CACNA2D3: variants seen among roughly 807,000 people sequenced by gnomAD.
CACNA2D3 encodes voltage-dependent calcium channel subunit alpha-2/delta-3.
CACNA2D3 carries 60 observed loss-of-function variants against 160.6 expected under a neutral mutation model. The ratio of observed to expected loss-of-function variants is 0.37; its 90% CI spans 0.30 to 0.46. CACNA2D3 has a LOEUF of 0.46. CACNA2D3 is among the 20% of genes least tolerant of loss of function. The pLI, the probability that CACNA2D3 is intolerant of heterozygous loss-of-function variation, is 1.00. For missense variants in CACNA2D3, 1,205 were observed against 1,365.0 expected (o/e 0.88, Z 1.85); for synonymous variants, 558 against 492.9 (o/e 1.13, Z -1.75).
intron 3 of CACNA2D3, among the ~76,000 whole-genome samples, chr3:54,369,227 C>A (rs1018073601): frequency 6.7e-6 from 1 of 150,188 alleles, no homozygotes; most frequent in Admixed American, 6.6e-5. Context: ...AACAAACAAA[C>A]AAACAAACAA....
intron 4 of CACNA2D3, among the ~76,000 whole-genome samples, chr3:54,414,278 A>G (rs1699719342): frequency 6.6e-6 from 1 of 152,108 alleles, no homozygotes; most frequent in African/African-American, 2.4e-5. Flanking sequence ...CATTTCTGTT[A>G]TAGAATCTTG....
intron 29 of CACNA2D3, among the ~76,000 whole-genome samples, chr3:54,972,667 G>T (rs1217741431): frequency 1.3e-5 from 2 of 152,154 alleles, no homozygotes; most frequent in South Asian, 2.1e-4. Context: ...TGCACTCTCT[G>T]GGCCTTGGCA....
Position 54,871,570 on chromosome 3 carries a change from A to G in CACNA2D3, c.1658A>G (p.Asn553Ser), listed in dbSNP as rs201056137. The G allele has an allele frequency of 7.0e-4, 1,125 of 1,613,654 alleles. No individual in the cohort carries two copies. The highest frequency in any genetic ancestry group is 1.3e-3 in the Middle Eastern group (8 of 6,060). Reference protein sequence around the residue: ...YEEGKKRRKPNYSSVDLSEVE... With the variant: ...YEEGKKRRKPSYSSVDLSEVE... ...GAAGGAAAAAAGCGAAGGAAACCTAACTATAGTAGCGTTGACCTCTCTGAG... is the reference window on the plus strand; with the variant it reads ...GAAGGAAAAAAGCGAAGGAAACCTAGCTATAGTAGCGTTGACCTCTCTGAG... Residue 553 changes from asparagine (N) to serine (S), a missense_variant, in exon 18 of 38, where the codon AAC becomes AGC. By Grantham distance (46) the Asn-to-Ser change is conservative. Around this residue, in one of 3 missense-constraint regions of CACNA2D3, gnomAD observed 911 missense variants for 1,002.2 expected, o/e 0.91. Coordinates refer to ENST00000474759, the MANE Select transcript of CACNA2D3 (RefSeq NM_018398.3).
chr3:55,003,096 C>T (rs1223097693), intron 31 of CACNA2D3, among the ~76,000 whole-genome samples: 2 of 152,220 alleles, frequency 1.3e-5, no homozygotes, highest in Non-Finnish European at 2.9e-5. Context: ...TTTACATCTA[C>T]AGGTCTTTCC....
intron 3 of CACNA2D3, among the ~76,000 whole-genome samples, chr3:54,333,951 GT>G (rs1345194640): frequency 6.6e-6 from 1 of 152,210 alleles, no homozygotes; most frequent in East Asian, 1.9e-4. Context: ...AATGGCTGTG[GT>G]TCTCCAAGCA....
chr3:54,836,215 TTTTTTTTTTTC>T (rs1472956123), intron 14 of CACNA2D3, among the ~76,000 whole-genome samples: 19 of 76,998 alleles, frequency 2.5e-4, no homozygotes, highest in African/African-American at 4.9e-4. Flanking sequence ...AGGGCCATTC[TTTTTTTTTTTC>T]TTTTTTTTTT....
chr3:54,351,135 C>T (rs1270633797), intron 3 of CACNA2D3, among the ~76,000 whole-genome samples: 2 of 151,682 alleles, frequency 1.3e-5, no homozygotes, highest in South Asian at 2.1e-4. Context: ...GTACCTACCA[C>T]CATGCCCGGC....
At chr3:54,704,575 TG>T (rs1339149640) in intron 11 of CACNA2D3, among the ~76,000 whole-genome samples, 1 of 152,206 alleles carries the variant, frequency 6.6e-6, no homozygotes, top group African/African-American at 2.4e-5. Context: ...TTTTCTTTTT[TG>T]ACTTGCCAGA....
intron 35 of CACNA2D3, among the ~76,000 whole-genome samples, chr3:55,029,616 T>G (rs938972872): frequency 2.0e-5 from 3 of 152,124 alleles, no homozygotes; most frequent in Non-Finnish European, 4.4e-5. Context: ...AAATAGCTCT[T>G]GGATTTTTGC....
intron 35 of CACNA2D3, among the ~76,000 whole-genome samples, chr3:55,035,183 A>G (rs1289023803): frequency 2.0e-5 from 3 of 152,198 alleles, no homozygotes; most frequent in African/African-American, 7.2e-5. Flanking sequence ...AGAAAAACAG[A>G]AAATACAGTA....
rs147514179 is a variant in CACNA2D3 at position 54,390,899 on chromosome 3, A to G, written c.381+4125A>G. 9.3e-4 allele frequency among the ~76,000 whole-genome samples: 141 copies of G among 152,298 alleles called. 1 individual carries two copies. The highest frequency in any genetic ancestry group is 3.2e-3 in the African/African-American group (135 of 41,572). The stretch of plus-strand genomic sequence containing the variant: ...CCCTGGCAGATAATTGTTTTTATCA[A>G]AAAAATTTCAGACTACCATCTGCTC... On this transcript the variant is annotated intron_variant, in intron 4 of 37. Transcript: ENST00000474759.
intron 4 of CACNA2D3, among the ~76,000 whole-genome samples, chr3:54,482,305 T>G (rs1175476803): frequency 6.6e-6 from 1 of 152,206 alleles, no homozygotes; most frequent in Non-Finnish European, 1.5e-5. Context: ...CTCATGAATG[T>G]TAATATGGCT....
intron 3 of CACNA2D3, among the ~76,000 whole-genome samples, chr3:54,364,279 A>G (rs1329492045): frequency 6.6e-6 from 1 of 152,256 alleles, no homozygotes; most frequent in Non-Finnish European, 1.5e-5. Context: ...TGTTTTCATT[A>G]AGACCAAATA....
In CACNA2D3 at chr3:54,213,517, G is replaced by C. The variant is rs151258737; in HGVS notation, c.204+89923G>C. On this transcript the variant is annotated intron_variant, in intron 2 of 37. Coordinates refer to ENST00000474759, the MANE Select transcript of CACNA2D3 (RefSeq NM_018398.3). ...TCTCCATCAGTATCTGTCTGGGGAG[G>C]ATAACAGTCCTTTCTTTCTTCCTGT... Among the ~76,000 whole-genome samples the C allele has an allele frequency of 3.3e-3, 499 of 152,284 alleles. 1 individual carries two copies. Among genetic ancestry groups the C allele is most frequent in the African/African-American group, 0.011 (476 of 41,562 alleles).
chr3:54,909,753 G>T (rs1700519660), intron 27 of CACNA2D3, among the ~76,000 whole-genome samples: 1 of 151,380 alleles, frequency 6.6e-6, no homozygotes, highest in Non-Finnish European at 1.5e-5. Flanking sequence ...AAGTCAGGGA[G>T]ATGAGTGAAT....
chr3:54,305,374 C>A (rs1703573831), intron 2 of CACNA2D3, among the ~76,000 whole-genome samples: 1 of 152,224 alleles, frequency 6.6e-6, no homozygotes, highest in Admixed American at 6.5e-5. Flanking sequence ...TTAGTGTTTA[C>A]CTTTCCTCAG....
intron 4 of CACNA2D3, among the ~76,000 whole-genome samples, chr3:54,439,329 GTGTT>G (rs1434907845): frequency 4.6e-5 from 7 of 152,024 alleles, no homozygotes; most frequent in South Asian, 2.1e-4. Flanking sequence ...GTGTGTGTGT[GTGTT>G]TGTGTGTGAA....
intron 11 of CACNA2D3, among the ~76,000 whole-genome samples, chr3:54,685,044 G>T (rs1331389630): frequency 6.6e-6 from 1 of 152,142 alleles, no homozygotes; most frequent in Non-Finnish European, 1.5e-5. Flanking sequence ...ACTCCTGCAT[G>T]TGCGTCTTGG....
intron 9 of CACNA2D3, among the ~76,000 whole-genome samples, chr3:54,610,773 A>T (rs1309092293): frequency 6.6e-6 from 1 of 151,946 alleles, no homozygotes; most frequent in Non-Finnish European, 1.5e-5. Context: ...GGTATTACAG[A>T]CATCCGCCAC....
Sources: gnomAD v4.1 joint callset for allele counts (sites outside exome capture counted in the v4.1 genomes callset) on GRCh38, gnomAD v4.1.1 for gene constraint, gnomAD v4.1.1 regional missense constraint, MANE v1.5 for transcripts, NCBI Gene and HGNC (gene_info 2026-07-23, HGNC 2026-07-21) for gene names.